The following UBE3D variants were observed in gnomAD, a reference collection of about 807,000 sequenced individuals.
The protein encoded by UBE3D is E3 ubiquitin-protein ligase E3D.
UBE3D carries 48 observed loss-of-function variants against 49.6 expected under a neutral mutation model. The observed-to-expected ratio is 0.97, with a 90% CI of 0.77 to 1.23. UBE3D has a LOEUF of 1.23. Ranked by LOEUF, UBE3D falls within the 50% of genes most tolerant of loss-of-function variation. The pLI, the probability that UBE3D is intolerant of heterozygous loss-of-function variation, is 0.00. For synonymous variants in UBE3D, 189 were observed against 174.2 expected, an observed-to-expected ratio of 1.08 and a Z score of -0.67; for missense variants, 452 against 468.4, an observed-to-expected ratio of 0.96 and a Z score of 0.32.
At chr6:82,993,136 G>A (rs979821718) in intron 8 of UBE3D, among the ~76,000 whole-genome samples, 1 of 151,728 alleles carries the variant, frequency 6.6e-6, no homozygotes, top group African/African-American at 2.4e-5. Context: ...GAGAGAGAGA[G>A]AGAGACAGAG....
intron 7 of UBE3D, 97 bp downstream of exon 7, chr6:83,022,356 C>T: frequency 1.2e-6 from 1 of 813,226 alleles, no homozygotes; most frequent in Non-Finnish European, 1.8e-6. Context: ...CACTTATTTT[C>T]CACACCTGAG....
rs374264401 is a variant in UBE3D, at chr6:82,957,412, G to A, written c.1049C>T (p.Pro350Leu). 2.7e-5 allele frequency: 43 copies of A among 1,613,948 alleles called. No homozygotes were observed. The highest frequency in any genetic ancestry group is 3.1e-5 in the Non-Finnish European group (36 of 1,179,994). Residue 350 changes from proline to leucine, a missense_variant, in exon 9 of 10, where the codon CCG becomes CTG. Coordinates refer to ENST00000369747, the MANE Select transcript of UBE3D (RefSeq NM_198920.3). The stretch of plus-strand genomic sequence containing the variant: ...GCAGGTTGCAGAGGGCAGGGTTAGC[G>A]GGTGGACGCTGATGTCACTTTCCCA... ...SLWESDISVH[P>L]LTLPSATCLE... is the part of the protein sequence containing the mutation.
intron 8 of UBE3D, 58 bp from the exon 9 acceptor site, chr6:82,957,508 T>A: frequency 6.5e-7 from 1 of 1,534,764 alleles, no homozygotes; most frequent in Non-Finnish European, 8.8e-7. Context: ...ATTTTAAAAA[T>A]CTGATATGAA....
At chr6:82,883,202 G>A in the UBE3D span, among the ~76,000 whole-genome samples, 1 of 152,136 alleles carries the variant, frequency 6.6e-6, no homozygotes, top group Non-Finnish European at 1.5e-5. Context: ...TTTCAAAAAA[G>A]AAATAAATGT....
chr6:83,042,017 C>G (rs577467705), intron 4 of UBE3D, among the ~76,000 whole-genome samples: 2 of 152,166 alleles, frequency 1.3e-5, no homozygotes, highest in Admixed American at 1.3e-4. Context: ...TCAAACGATT[C>G]TCCTGCCTCA....
intron 5 of UBE3D, among the ~76,000 whole-genome samples, chr6:83,032,518 G>A (rs1040332536): frequency 3.3e-5 from 5 of 152,180 alleles, no homozygotes; most frequent in African/African-American, 7.2e-5. Context: ...TAGGTGGAAG[G>A]GACTTGCCTT....
intron 8 of UBE3D, among the ~76,000 whole-genome samples, chr6:82,968,966 T>C: frequency 6.6e-6 from 1 of 152,176 alleles, no homozygotes; most frequent in African/African-American, 2.4e-5. Context: ...CATCAGTTTG[T>C]AAGCAATACT....
intron 8 of UBE3D, among the ~76,000 whole-genome samples, chr6:82,997,391 G>A (rs1779314879): frequency 6.6e-6 from 1 of 152,012 alleles, no homozygotes; most frequent in Non-Finnish European, 1.5e-5. Context: ...ATTGCAGAAG[G>A]ACACTATGGT....
At chr6:83,035,105 C>T (rs1321250657) in intron 5 of UBE3D, among the ~76,000 whole-genome samples, 5 of 150,872 alleles carry the variant, frequency 3.3e-5, no homozygotes, top group African/African-American at 7.3e-5. Context: ...CACTTGAGCC[C>T]GGGAGGTTGA....
At chr6:82,927,397 A>G (rs1336935869) in intron 9 of UBE3D, among the ~76,000 whole-genome samples, 2 of 152,030 alleles carry the variant, frequency 1.3e-5, no homozygotes, top group African/African-American at 4.8e-5. Context: ...ACACAAAATT[A>G]CTTGCTCAGA....
chr6:82,960,046 T>C (rs1386395340), intron 8 of UBE3D, among the ~76,000 whole-genome samples: 1 of 152,136 alleles, frequency 6.6e-6, no homozygotes, highest in Admixed American at 6.5e-5. Context: ...GTGTCTCTTC[T>C]GTATGCAGGA....
intron 8 of UBE3D, among the ~76,000 whole-genome samples, chr6:82,961,237 C>A (rs1776526095): frequency 6.6e-6 from 1 of 152,170 alleles, no homozygotes; most frequent in Non-Finnish European, 1.5e-5. Flanking sequence ...ATTTTGAAGA[C>A]ACATTACTTA....
chr6:83,008,115 T>C (rs947230435), intron 8 of UBE3D, among the ~76,000 whole-genome samples: 2 of 152,174 alleles, frequency 1.3e-5, no homozygotes, highest in African/African-American at 4.8e-5. Context: ...TTCTCAAATT[T>C]AGCACTATTG....
chr6:83,027,058 C>A (rs754481935), intron 5 of UBE3D, among the ~76,000 whole-genome samples: 7 of 152,020 alleles, frequency 4.6e-5, no homozygotes, highest in Non-Finnish European at 8.8e-5. Flanking sequence ...TGAATATTCA[C>A]GATTTTATCA....
chr6:83,047,680 G>A (rs146112259), intron 3 of UBE3D, among the ~76,000 whole-genome samples: 1 of 152,174 alleles, frequency 6.6e-6, no homozygotes, highest in African/African-American at 2.4e-5. Context: ...AAAGACCCTT[G>A]GTGGCCACTA....
At chr6:82,974,682 T>C (rs748835495) in intron 8 of UBE3D, among the ~76,000 whole-genome samples, 1 of 151,922 alleles carries the variant, frequency 6.6e-6, no homozygotes, top group Non-Finnish European at 1.5e-5. Context: ...GAGTTAAATA[T>C]AGCTACTCAA....
In UBE3D at chr6:83,065,713, C is replaced by A. The variant is rs371375420; in HGVS notation, c.6G>T (p.Ala2=). The change falls in exon 1 of 10, where the codon GCG becomes GCT. Residue 2 remains alanine, a synonymous_variant. Coordinates refer to ENST00000369747, the MANE Select transcript of UBE3D (RefSeq NM_198920.3). ...ACACGCGCGTCTCCGCCGCAGAAGCCGCCATGGCAGGCTTCCAGTCCCAGA... is the reference window on the plus strand; with the variant it reads ...ACACGCGCGTCTCCGCCGCAGAAGCAGCCATGGCAGGCTTCCAGTCCCAGA... M[A]ASAAETRVFL... The A allele has an allele frequency of 1.6e-5, 26 of 1,611,226 alleles. No individual in the cohort carries two copies. The African/African-American group carries it at 2.1e-4, about 13-fold the overall frequency.
chr6:82,921,333 A>G (rs879761650), intron 9 of UBE3D, among the ~76,000 whole-genome samples: 2 of 152,142 alleles, frequency 1.3e-5, no homozygotes, highest in Non-Finnish European at 2.9e-5. Context: ...AAATTCCTGA[A>G]GCCTCTTGGT....
At chr6:82,885,360 T>C in the UBE3D span, among the ~76,000 whole-genome samples, 1 of 152,068 alleles carries the variant, frequency 6.6e-6, no homozygotes, top group Non-Finnish European at 1.5e-5. Flanking sequence ...GAAAATCAAT[T>C]CCATAGGGGA....
Sources: allele counts gnomAD v4.1 joint callset (sites outside exome capture counted in the v4.1 genomes callset), GRCh38; gene constraint gnomAD v4.1.1; transcripts MANE v1.5; gene names NCBI Gene and HGNC (gene_info 2026-07-23, HGNC 2026-07-21).